IL15: variants seen among roughly 807,000 people sequenced by gnomAD.
IL15 encodes the protein interleukin-15.
Under a neutral mutation model 19.6 loss-of-function variants are expected in IL15, and 11 were observed. The observed-to-expected ratio is 0.56, with a 90% CI of 0.35 to 0.93. IL15 has a LOEUF of 0.93. Among genes scored for constraint, IL15 ranks in the 40% least tolerant of loss-of-function variants. The pLI, the probability that IL15 is intolerant of heterozygous loss-of-function variation, is 0.01. For missense variants in IL15, 197 were observed against 186.5 expected (o/e 1.06, Z -0.33); for synonymous variants, 58 against 59.6 (o/e 0.97, Z 0.12).
intron 5 of IL15, 76 bp from the exon 6 acceptor site, chr4:141,727,864 G>A (rs1579057258): frequency 2.8e-6 from 2 of 714,924 alleles, no homozygotes; most frequent in East Asian, 5.3e-5. Context: ...ACAATTTAAT[G>A]TTTTCAGTAG....
At position 141,733,542 on chromosome 4, in the gene IL15, A is replaced by T. The variant is rs1474249480; in HGVS notation, c.*694A>T. 6.6e-6 allele frequency: 1 copy of T among 152,252 alleles called. No homozygotes were observed. Among genetic ancestry groups the T allele is most frequent in the Non-Finnish European group, 1.5e-5 (1 of 68,044 alleles). 9.4% of individuals were successfully genotyped at this position (152,252 alleles called of 1,614,324 possible). On this transcript the variant is annotated 3_prime_UTR_variant, in exon 8 of 8. Coordinates refer to ENST00000320650, the MANE Select transcript of IL15 (RefSeq NM_000585.5). ...GTAGAATGGTGTGCAAGCTTGTCCA[A>T]TCACGGATTGCAGGCCACATGCGGC...
At position 141,729,933 on chromosome 4, in the gene IL15, T is replaced by C. The variant is rs950843118; in HGVS notation, c.327T>C (p.Asp109=). 21 of 1,600,592 alleles carry C rather than the reference T, an allele frequency of 1.3e-5. No homozygotes were observed. The highest frequency in any genetic ancestry group is 1.6e-5 in the Non-Finnish European group (19 of 1,167,854). ...SLESGDASIH[D]TVENLIILAN... ...AGTCCGGAGATGCAAGTATTCATGA[T>C]ACAGTAGAAAATCTGATCATCCTAG... Residue 109 remains aspartate (D), a synonymous_variant, in exon 7 of 8, where the codon GAT becomes GAC. Coordinates refer to ENST00000320650, the MANE Select transcript of IL15 (RefSeq NM_000585.5).
chr4:141,651,455 G>A (rs1397937481), intron 1 of IL15, among the ~76,000 whole-genome samples: 1 of 152,062 alleles, frequency 6.6e-6, no homozygotes, highest in Non-Finnish European at 1.5e-5. Flanking sequence ...AAGAGGTTGA[G>A]GGATGAGAGA....
chr4:141,694,142 A>G (rs1729014607), intron 2 of IL15, among the ~76,000 whole-genome samples: 1 of 152,334 alleles, frequency 6.6e-6, no homozygotes, highest in South Asian at 2.1e-4. Context: ...GAGCAGATGG[A>G]CACAGATACA....
At position 141,726,746 on chromosome 4, in the gene IL15, A is replaced by G. The variant is rs180919094; in HGVS notation, c.196-1194A>G. Among the ~76,000 whole-genome samples, 279 of 152,324 alleles carry G rather than the reference A, an allele frequency of 1.8e-3. 1 individual carries two copies. The highest frequency in any genetic ancestry group is 2.8e-3 in the Non-Finnish European group (188 of 68,028). On this transcript the variant is annotated intron_variant, in intron 5 of 7. Coordinates refer to ENST00000320650, the MANE Select transcript of IL15 (RefSeq NM_000585.5). ...ATCATGTCAGGGAATACTACAGAGC[A>G]ATAAAAAGGAACAAACTAGTGATAC...
At chr4:141,677,339 A>T (rs942391485) in intron 2 of IL15, among the ~76,000 whole-genome samples, 2 of 152,188 alleles carry the variant, frequency 1.3e-5, no homozygotes, top group South Asian at 4.1e-4. Flanking sequence ...GTTTTCTCTT[A>T]GGATTTTCTT....
rs540172189 is a variant in IL15 at position 141,654,433 on chromosome 4, G to A, written c.-221-1753G>A. Among the ~76,000 whole-genome samples, 8 of 152,310 alleles carry A rather than the reference G, an allele frequency of 5.3e-5. No individual in the cohort carries two copies. The South Asian group carries it at 1.7e-3, about 32-fold the overall frequency. On this transcript the variant is annotated intron_variant, in intron 1 of 7. Coordinates refer to ENST00000320650, the MANE Select transcript of IL15 (RefSeq NM_000585.5). ...GTATAGAATCTTCAAATTTTTAAAG[G>A]AAATGCTTATCAGTTCCTAGAGTGT...
chr4:141,637,751 C>T (rs1278549163), intron 1 of IL15, among the ~76,000 whole-genome samples: 2 of 152,142 alleles, frequency 1.3e-5, no homozygotes. Context: ...AAGTGGTGGT[C>T]ACCAGCTAGT....
intron 2 of IL15, among the ~76,000 whole-genome samples, chr4:141,659,894 T>C (rs1022049853): frequency 2.6e-5 from 4 of 152,178 alleles, no homozygotes; most frequent in African/African-American, 9.7e-5. Context: ...TAGGTTCAGC[T>C]TCCTTTGTTG....
chr4:141,647,520 A>T (rs1286534930), intron 1 of IL15, among the ~76,000 whole-genome samples: 1 of 152,036 alleles, frequency 6.6e-6, no homozygotes, highest in Non-Finnish European at 1.5e-5. Context: ...TAGATGGCTT[A>T]GGGTCACATA....
intron 2 of IL15, among the ~76,000 whole-genome samples, chr4:141,707,753 T>C (rs1206284218): frequency 6.6e-6 from 1 of 152,136 alleles, no homozygotes; most frequent in African/African-American, 2.4e-5. Context: ...AGCACTGGGT[T>C]GGTTTTCAGG....
intron 2 of IL15, among the ~76,000 whole-genome samples, chr4:141,670,576 A>AT (rs1728138969): frequency 6.6e-6 from 1 of 152,162 alleles, no homozygotes; most frequent in Non-Finnish European, 1.5e-5. Context: ...AATGTTATTG[A>AT]TTTTAAGTTT....
At chr4:141,677,259 A>G (rs1462236706) in intron 2 of IL15, among the ~76,000 whole-genome samples, 1 of 152,022 alleles carries the variant, frequency 6.6e-6, no homozygotes, top group Admixed American at 6.6e-5. Context: ...TCCTCAGCTT[A>G]CTCAATTTGA....
chr4:141,666,212 T>G (rs1727979073), intron 2 of IL15, among the ~76,000 whole-genome samples: 1 of 152,124 alleles, frequency 6.6e-6, no homozygotes, highest in African/African-American at 2.4e-5. Flanking sequence ...GCCATTCTCC[T>G]GCCTCAGCCT....
rs535362948 is a variant in IL15 at position 141,719,752 on chromosome 4, G to T, written c.12+276G>T. Among the ~76,000 whole-genome samples the T allele has an allele frequency of 2.5e-4, 38 of 152,212 alleles. 1 individual carries two copies. The South Asian group carries it at 4.6e-3, about 18-fold the overall frequency. Reference sequence around the variant, plus strand: ...AATGTCTTTGTACTCACTAAATTGTGTAGTCTTAGAGGGCAGGGTGTGGGT... The same window carrying T: ...AATGTCTTTGTACTCACTAAATTGTTTAGTCTTAGAGGGCAGGGTGTGGGT... On this transcript the variant is annotated intron_variant, in intron 3 of 7. Transcript: ENST00000320650.
rs1367739156 is a variant in IL15, at chr4:141,733,887, A to AT, written c.*1045dup. The AT allele has an allele frequency of 1.3e-5, 2 of 152,150 alleles. No individual in the cohort carries two copies. The highest frequency in any genetic ancestry group is 2.9e-5 in the Non-Finnish European group (2 of 68,016). 9.4% of individuals were successfully genotyped at this position (152,150 alleles called of 1,614,324 possible). On this transcript the variant is annotated 3_prime_UTR_variant, in exon 8 of 8. Transcript: ENST00000320650. ...TATCTGACAGAAAATAATTGTTTATATTTTTTGCACTACACTGTCTAAAAT... is the reference window on the plus strand; with the variant it reads ...TATCTGACAGAAAATAATTGTTTATATTTTTTTGCACTACACTGTCTAAAAT...
At chr4:141,728,209 G>A (rs1278193528) in intron 6 of IL15, among the ~76,000 whole-genome samples, 2 of 151,944 alleles carry the variant, frequency 1.3e-5, no homozygotes, top group African/African-American at 4.8e-5. Flanking sequence ...TATTAAAAGA[G>A]TCTTTTCCAT....
chr4:141,651,313 G>A (rs892558647), intron 1 of IL15, among the ~76,000 whole-genome samples: 2 of 152,044 alleles, frequency 1.3e-5, no homozygotes, highest in African/African-American at 4.8e-5. Context: ...ATTATCTCAA[G>A]TGAAACAAAT....
intron 5 of IL15, among the ~76,000 whole-genome samples, chr4:141,723,557 A>G (rs1730164467): frequency 6.6e-6 from 1 of 152,214 alleles, no homozygotes; most frequent in Admixed American, 6.5e-5. Context: ...TTGGACTTCC[A>G]GTCTCCAGAA....
Sources: gnomAD v4.1 joint callset for allele counts (sites outside exome capture counted in the v4.1 genomes callset) on GRCh38, gnomAD v4.1.1 for gene constraint, MANE v1.5 for transcripts, NCBI Gene and HGNC (gene_info 2026-07-23, HGNC 2026-07-21) for gene names.